Variants in ADGRL3 observed in about 807,000 individuals in gnomAD.
ADGRL3 encodes adhesion G protein-coupled receptor L3.
Under a neutral mutation model 153.5 loss-of-function variants are expected in ADGRL3, and 62 were observed. The observed-to-expected ratio is 0.40, with a 90% CI of 0.33 to 0.50. ADGRL3 has a LOEUF of 0.50. Among genes scored for constraint, ADGRL3 ranks in the 20% least tolerant of loss-of-function variants. The probability of loss-of-function intolerance (pLI) is 0.47; values close to 1 mark genes in which losing one functional copy is unlikely to be tolerated. For missense variants in ADGRL3, 1,641 were observed against 1,859.4 expected, an observed-to-expected ratio of 0.88 and a Z score of 2.16; for synonymous variants, 710 against 672.5, an observed-to-expected ratio of 1.06 and a Z score of -0.86.
At chr4:61,751,138 C>T (rs1472953741) in intron 8 of ADGRL3, among the ~76,000 whole-genome samples, 3 of 152,098 alleles carry the variant, frequency 2.0e-5, no homozygotes, top group Admixed American at 6.6e-5. Flanking sequence ...CTAACTAATG[C>T]CTGATGATCT....
intron 21 of ADGRL3, among the ~76,000 whole-genome samples, chr4:62,023,060 G>GT (rs2099245466): frequency 6.6e-6 from 1 of 152,102 alleles, no homozygotes; most frequent in South Asian, 2.1e-4. Context: ...CTTCTGGAAA[G>GT]TATTCACTAT....
At chr4:61,587,710 G>A (rs1053947227) in intron 5 of ADGRL3, among the ~76,000 whole-genome samples, 1 of 151,918 alleles carries the variant, frequency 6.6e-6, no homozygotes, top group African/African-American at 2.4e-5. Context: ...TTAGAACTGA[G>A]TTCATTACAT....
intron 8 of ADGRL3, among the ~76,000 whole-genome samples, chr4:61,797,455 G>A (rs1449046486): frequency 6.6e-6 from 1 of 152,144 alleles, no homozygotes; most frequent in East Asian, 1.9e-4. Flanking sequence ...TTTAAACTGA[G>A]ACTTGGTTTC....
At chr4:61,934,463 A>C (rs1220084503) in intron 13 of ADGRL3, among the ~76,000 whole-genome samples, 1 of 152,110 alleles carries the variant, frequency 6.6e-6, no homozygotes, top group Non-Finnish European at 1.5e-5. Context: ...TACAGAAAAA[A>C]ATTATTTTCT....
At chr4:61,567,775 G>T (rs2098822417) in intron 4 of ADGRL3, among the ~76,000 whole-genome samples, 1 of 152,170 alleles carries the variant, frequency 6.6e-6, no homozygotes, top group Non-Finnish European at 1.5e-5. Flanking sequence ...AGGGAAAATA[G>T]AGTATGTATC....
chr4:61,273,422 C>T (rs1479941848), intron 1 of ADGRL3, among the ~76,000 whole-genome samples: 1 of 152,182 alleles, frequency 6.6e-6, no homozygotes, highest in Non-Finnish European at 1.5e-5. Context: ...CCCTCCTCCA[C>T]CATGAATGTG....
intron 15 of ADGRL3, among the ~76,000 whole-genome samples, chr4:61,946,339 T>G (rs2098923958): frequency 6.6e-6 from 1 of 152,188 alleles, no homozygotes; most frequent in Admixed American, 6.5e-5. Flanking sequence ...TTTTCATGTG[T>G]CTATTGGCCT....
chr4:61,724,367 G>A (rs778962401), intron 6 of ADGRL3, among the ~76,000 whole-genome samples: 1 of 152,132 alleles, frequency 6.6e-6, no homozygotes, highest in Non-Finnish European at 1.5e-5. Context: ...GAAAGGTTTT[G>A]CAGATCCATC....
chr4:61,590,091 T>C (rs2098963314), intron 5 of ADGRL3, among the ~76,000 whole-genome samples: 1 of 152,102 alleles, frequency 6.6e-6, no homozygotes, highest in African/African-American at 2.4e-5. Flanking sequence ...ACAGATTTAT[T>C]TGTCCTTCTC....
intron 5 of ADGRL3, among the ~76,000 whole-genome samples, chr4:61,619,547 A>ACC (rs913997680): frequency 0.011 from 1,564 of 142,004 alleles, 33 homozygotes; most frequent in African/African-American, 0.037. Flanking sequence ...ACACACACAC[A>ACC]CTCTAATCAT....
At chr4:61,570,039 G>A (rs977534101) in intron 4 of ADGRL3, among the ~76,000 whole-genome samples, 3 of 152,038 alleles carry the variant, frequency 2.0e-5, no homozygotes, top group African/African-American at 7.2e-5. Flanking sequence ...TTGCTACTAT[G>A]AACGTATTTG....
At chr4:61,564,348 C>A (rs2098808119) in intron 4 of ADGRL3, among the ~76,000 whole-genome samples, 1 of 152,032 alleles carries the variant, frequency 6.6e-6, no homozygotes, top group Admixed American at 6.6e-5. Context: ...AATTACAGTT[C>A]ATTGCAGCCT....
rs368296670 is a variant in ADGRL3, at chr4:62,070,492, C to T, written c.4216C>T (p.Pro1406Ser). ...HEESDAPLLPPRVYSTENHQP... is the reference protein window; with the variant it reads ...HEESDAPLLPSRVYSTENHQP... ...GGAATCTGATGCTCCTTTGCTGCCC[C>T]CAAGAGTATACTCCACCGAGAACCA... Residue 1406 changes from proline to serine, a missense_variant, in exon 27 of 27, where the codon CCA (proline) becomes TCA (serine). This residue lies in a region of ADGRL3 where 517 missense variants were observed against 555.0 expected (regional missense o/e 0.93). Transcript: ENST00000683033. The T allele has an allele frequency of 5.2e-5, 80 of 1,547,680 alleles. No individual in the cohort carries two copies. Among genetic ancestry groups the T allele is most frequent in the Non-Finnish European group, 6.7e-5 (77 of 1,145,566 alleles).
chr4:61,497,421 C>G, intron 3 of ADGRL3, 73 bp downstream of exon 3: 2 of 903,368 alleles, frequency 2.2e-6, no homozygotes, highest in South Asian at 3.3e-5. Flanking sequence ...TCCTTGGGAT[C>G]TTTTCTCTGA....
rs983622727 is a variant in ADGRL3 at position 61,737,989 on chromosome 4, T to A, written c.1399+4435T>A. ...GGTGGTATTTGGTTACATGAGTAAG[T>A]TTTTTAGTGGTGATTTGTGAGATTT... On this transcript the variant is annotated intron_variant, in intron 8 of 26. Coordinates refer to ENST00000683033, the MANE Select transcript of ADGRL3 (RefSeq NM_001387552.1). 1.4e-4 allele frequency among the ~76,000 whole-genome samples: 22 copies of A among 152,150 alleles called. 1 individual carries two copies. The highest frequency in any genetic ancestry group is 5.3e-4 in the African/African-American group (22 of 41,494).
chr4:61,325,044 T>A (rs192886510), intron 1 of ADGRL3, among the ~76,000 whole-genome samples: 109 of 152,322 alleles, frequency 7.2e-4, no homozygotes, highest in African/African-American at 2.5e-3. Flanking sequence ...TCGGGCGCAG[T>A]GGCTCATGCC....
chr4:61,793,252 G>A (rs754568843), intron 8 of ADGRL3, among the ~76,000 whole-genome samples: 1 of 152,014 alleles, frequency 6.6e-6, no homozygotes, highest in Non-Finnish European at 1.5e-5. Context: ...GTGAAACCCC[G>A]TCTCTACTAA....
intron 1 of ADGRL3, among the ~76,000 whole-genome samples, chr4:61,220,692 G>A (rs926030244): frequency 5.9e-5 from 9 of 151,902 alleles, no homozygotes; most frequent in Non-Finnish European, 1.2e-4. Flanking sequence ...TTTTATATCT[G>A]TTGCTTTCAA....
intron 2 of ADGRL3, among the ~76,000 whole-genome samples, chr4:61,454,110 G>T (rs1381369407): frequency 6.6e-6 from 1 of 151,912 alleles, no homozygotes; most frequent in Non-Finnish European, 1.5e-5. Flanking sequence ...CCATATAAAG[G>T]GCTCAGCACA....
Sources: allele counts gnomAD v4.1 joint callset (sites outside exome capture counted in the v4.1 genomes callset), GRCh38; gene constraint gnomAD v4.1.1; regional missense constraint gnomAD v4.1.1; transcripts MANE v1.5; gene names NCBI Gene and HGNC (gene_info 2026-07-23, HGNC 2026-07-21).